TMEM117: variants seen among roughly 807,000 people sequenced by gnomAD.
The protein encoded by TMEM117 is transmembrane protein 117.
In TMEM117, 27 loss-of-function variants were observed where a neutral mutation model predicts 52.4. The observed-to-expected ratio is 0.51, with a 90% confidence interval of 0.38 to 0.71. The LOEUF (loss-of-function observed/expected upper bound fraction) is 0.71, where lower values mean the gene tolerates loss of function less well. Among genes scored for constraint, TMEM117 ranks in the 30% least tolerant of loss-of-function variants. TMEM117 has a pLI of 0.00. For missense variants in TMEM117, 556 were observed against 630.5 expected, an observed-to-expected ratio of 0.88 and a Z score of 1.26; for synonymous variants, 215 against 206.3, an observed-to-expected ratio of 1.04 and a Z score of -0.36.
intron 3 of TMEM117, among the ~76,000 whole-genome samples, chr12:44,091,497 A>G (rs1202519259): frequency 6.6e-6 from 1 of 152,236 alleles, no homozygotes; most frequent in African/African-American, 2.4e-5. Context: ...TAGAGTGCAC[A>G]GTGTAATTTG....
intron 2 of TMEM117, among the ~76,000 whole-genome samples, chr12:43,941,361 T>C (rs1945041498): frequency 6.6e-6 from 1 of 152,208 alleles, no homozygotes; most frequent in Non-Finnish European, 1.5e-5. Context: ...GCACATAATT[T>C]ATTTTCCAAA....
intron 5 of TMEM117, among the ~76,000 whole-genome samples, chr12:44,267,861 G>A (rs1950397870): frequency 6.6e-6 from 1 of 152,158 alleles, no homozygotes; most frequent in South Asian, 2.1e-4. Context: ...TGAAGCTGGA[G>A]GACATTATGT....
chr12:43,933,055 C>T (rs1193385824), intron 2 of TMEM117, among the ~76,000 whole-genome samples: 1 of 152,108 alleles, frequency 6.6e-6, no homozygotes, highest in African/African-American at 2.4e-5. Flanking sequence ...CTATTCTTGA[C>T]AATTTAACTT....
At chr12:44,329,056 A>G (rs73088667) in intron 6 of TMEM117, among the ~76,000 whole-genome samples, 5,195 of 152,050 alleles carry the variant, frequency 0.034, 106 homozygotes, top group Middle Eastern at 0.13. Flanking sequence ...TCCCACCACA[A>G]CCAGAACACC....
At chr12:44,383,931 A>G (rs889153442) in intron 7 of TMEM117, among the ~76,000 whole-genome samples, 1 of 152,154 alleles carries the variant, frequency 6.6e-6, no homozygotes, top group Non-Finnish European at 1.5e-5. Context: ...CTGGCCCAGC[A>G]TAAAACACTA....
intron 7 of TMEM117, among the ~76,000 whole-genome samples, chr12:44,378,683 A>T (rs1951976597): frequency 6.6e-6 from 1 of 152,200 alleles, no homozygotes; most frequent in South Asian, 2.1e-4. Context: ...AATGTATTGT[A>T]ATTAAGGCTT....
At chr12:43,860,904 G>C (rs1236978325) in intron 2 of TMEM117, among the ~76,000 whole-genome samples, 1 of 152,118 alleles carries the variant, frequency 6.6e-6, no homozygotes, top group Admixed American at 6.6e-5. Flanking sequence ...CATTGTCTTA[G>C]TTTATTCTGA....
intron 3 of TMEM117, among the ~76,000 whole-genome samples, chr12:44,024,101 G>A (rs1701083): frequency 0.31 from 46,855 of 152,096 alleles, 11,424 homozygotes; most frequent in African/African-American, 0.68. Context: ...GATCAGAAAA[G>A]ACAATGAACT....
intron 3 of TMEM117, among the ~76,000 whole-genome samples, chr12:44,040,001 G>A (rs1042805713): frequency 2.6e-5 from 4 of 152,086 alleles, no homozygotes; most frequent in Admixed American, 6.6e-5. Flanking sequence ...TTGGTGATGT[G>A]CCAGTAAATG....
intron 5 of TMEM117, among the ~76,000 whole-genome samples, chr12:44,290,545 T>G (rs553557938): frequency 6.6e-6 from 1 of 152,338 alleles, no homozygotes; most frequent in South Asian, 2.1e-4. Flanking sequence ...TATTGGTCTA[T>G]GTATCTCATT....
At position 44,018,715 on chromosome 12, in the gene TMEM117, C is replaced by G. The variant is rs538987395; in HGVS notation, c.410+74373C>G. Among the ~76,000 whole-genome samples, 4 of 150,006 alleles carry G rather than the reference C, an allele frequency of 2.7e-5. No homozygotes were observed. In the South Asian group the frequency reaches 8.4e-4, roughly 31 times the overall value. On this transcript the variant is annotated intron_variant, in intron 3 of 7. Transcript: ENST00000266534. ...CTACTGTTTTTATTTTTCTTTTTTT[C>G]TTTTTCTTTCTTTTTTTTTTTTTTA...
chr12:44,208,809 A>T (rs535986820), intron 4 of TMEM117, among the ~76,000 whole-genome samples: 1 of 144,712 alleles, frequency 6.9e-6, no homozygotes, highest in African/African-American at 2.5e-5. Flanking sequence ...TTTACACAAC[A>T]TGCAGCTGTA....
intron 3 of TMEM117, among the ~76,000 whole-genome samples, chr12:44,010,413 C>A (rs1946271179): frequency 6.6e-6 from 1 of 152,118 alleles, no homozygotes; most frequent in Admixed American, 6.5e-5. Flanking sequence ...CTATGCCTGG[C>A]AAGTGAAGCT....
At chr12:44,383,269 G>A (rs757784185) in intron 7 of TMEM117, among the ~76,000 whole-genome samples, 9 of 152,012 alleles carry the variant, frequency 5.9e-5, no homozygotes, top group Non-Finnish European at 1.0e-4. Context: ...TTCATTATAT[G>A]GTGGAATTAT....
At chr12:44,298,339 A>G (rs1237417993) in intron 5 of TMEM117, among the ~76,000 whole-genome samples, 3 of 150,270 alleles carry the variant, frequency 2.0e-5, no homozygotes, top group African/African-American at 7.5e-5. Context: ...TTTCACCTCT[A>G]TGTTTTTTCT....
At chr12:44,193,630 G>A (rs1403295257) in intron 4 of TMEM117, among the ~76,000 whole-genome samples, 1 of 152,230 alleles carries the variant, frequency 6.6e-6, no homozygotes, top group African/African-American at 2.4e-5. Context: ...TAAAAAAGGT[G>A]CTTTGGAAAC....
intron 4 of TMEM117, among the ~76,000 whole-genome samples, chr12:44,158,812 A>G (rs1401061375): frequency 6.6e-6 from 1 of 152,186 alleles, no homozygotes; most frequent in African/African-American, 2.4e-5. Context: ...GATTTTACAT[A>G]ATAGGAATTC....
intron 4 of TMEM117, among the ~76,000 whole-genome samples, chr12:44,160,991 T>A (rs1407880539): frequency 6.6e-6 from 1 of 152,230 alleles, no homozygotes. Context: ...TGATTATTTC[T>A]ATTTTATAGC....
chr12:43,877,091 T>C (rs1943810207), intron 2 of TMEM117, among the ~76,000 whole-genome samples: 1 of 152,158 alleles, frequency 6.6e-6, no homozygotes, highest in East Asian at 1.9e-4. Context: ...ATTTTCCTCT[T>C]TTATAAACAG....
Sources: allele counts gnomAD v4.1 joint callset (sites outside exome capture counted in the v4.1 genomes callset), GRCh38; gene constraint gnomAD v4.1.1; transcripts MANE v1.5; gene names NCBI Gene and HGNC (gene_info 2026-07-23, HGNC 2026-07-21).